The following CFAP70 variants were observed in gnomAD, a reference collection of about 807,000 sequenced individuals.
The protein encoded by CFAP70 is cilia- and flagella-associated protein 70.
Under a neutral mutation model 137.6 loss-of-function variants are expected in CFAP70, and 81 were observed. The observed-to-expected ratio is 0.59, with a 90% CI of 0.49 to 0.71. CFAP70 has a LOEUF of 0.71. Ranked by LOEUF, CFAP70 falls within the 30% of genes least tolerant of loss-of-function variation. The pLI is 0.00. For missense variants in CFAP70, 976 were observed against 1,226.7 expected (o/e 0.80, Z 3.05); for synonymous variants, 382 against 423.6 (o/e 0.90, Z 1.20).
chr10:73,297,755 T>A (rs976652130), intron 14 of CFAP70, among the ~76,000 whole-genome samples: 7 of 152,168 alleles, frequency 4.6e-5, no homozygotes, highest in African/African-American at 1.7e-4. Flanking sequence ...TCTCCTTTTT[T>A]CCCCACTAAG....
chr10:73,347,889 C>T (rs183827343), intron 4 of CFAP70, among the ~76,000 whole-genome samples: 6 of 152,308 alleles, frequency 3.9e-5, no homozygotes, highest in South Asian at 2.1e-4. Flanking sequence ...CCTCTACCTG[C>T]GGACAAAGTA....
At chr10:73,278,994 A>G (rs1447465207) in intron 19 of CFAP70, 1 of 152,218 alleles carries the variant, frequency 6.6e-6, no homozygotes, top group East Asian at 1.9e-4. Context: ...AAAAAAAAAA[A>G]AAAAATAGGA....
chr10:73,323,485 G>T (rs1242753605), intron 8 of CFAP70, among the ~76,000 whole-genome samples: 2 of 152,184 alleles, frequency 1.3e-5, no homozygotes, highest in African/African-American at 4.8e-5. Flanking sequence ...AGGTCAGTGG[G>T]TGCAGCGCAC....
At chr10:73,315,379 T>G (rs2050258279) in intron 9 of CFAP70, among the ~76,000 whole-genome samples, 2 of 152,230 alleles carry the variant, frequency 1.3e-5, no homozygotes, top group Non-Finnish European at 2.9e-5. Flanking sequence ...CACATTTTGT[T>G]TATCTATTCA....
At chr10:73,349,542 CAAA>C (rs537930658) in intron 3 of CFAP70, among the ~76,000 whole-genome samples, 5 of 111,854 alleles carry the variant, frequency 4.5e-5, no homozygotes, top group Non-Finnish European at 3.8e-5. Flanking sequence ...GACTCCGTCT[CAAA>C]AAAAAAAAAA....
intron 24 of CFAP70, among the ~76,000 whole-genome samples, chr10:73,271,322 G>A (rs191891538): frequency 4.6e-5 from 7 of 152,272 alleles, no homozygotes; most frequent in Admixed American, 2.6e-4. Flanking sequence ...GACCAGCCTG[G>A]CCAACATGGC....
chr10:73,321,605 G>A (rs554992512), intron 9 of CFAP70, among the ~76,000 whole-genome samples: 4 of 151,926 alleles, frequency 2.6e-5, no homozygotes, highest in South Asian at 4.2e-4. Flanking sequence ...GTTTTACAAA[G>A]CCTCATTTTC....
chr10:73,278,874 G>A (rs1034492625), intron 19 of CFAP70, among the ~76,000 whole-genome samples: 5 of 151,680 alleles, frequency 3.3e-5, no homozygotes, highest in Admixed American at 2.0e-4. Flanking sequence ...CCAGCTACTC[G>A]GGAGGCTGAG....
At position 73,327,527 on chromosome 10, in the gene CFAP70, A is replaced by G. The variant is rs1485596397; in HGVS notation, c.777+3650T>C. On this transcript the variant is annotated intron_variant, in intron 8 of 26. Transcript: ENST00000310715. ...AGAAGGAAATAAAGGGTATTCAATT[A>G]GGAAAAGAGGAAGTCAAATTGTCCC... Among the ~76,000 whole-genome samples, 6 of 152,082 alleles carry G rather than the reference A, an allele frequency of 3.9e-5. No homozygotes were observed. In the East Asian group the frequency reaches 9.7e-4, roughly 25 times the overall value.
At chr10:73,330,790 T>C (rs1295649696) in intron 8 of CFAP70, among the ~76,000 whole-genome samples, 2 of 152,142 alleles carry the variant, frequency 1.3e-5, no homozygotes, top group East Asian at 3.9e-4. Context: ...CTATACCTTT[T>C]AAAAACAGTA....
At chr10:73,295,806 T>C (rs896078738) in intron 15 of CFAP70, 3 of 152,214 alleles carry the variant, frequency 2.0e-5, no homozygotes, top group African/African-American at 7.2e-5. Context: ...TTCTCTCTTA[T>C]GTTTTTCTCA....
At chr10:73,328,735 A>G (rs1449621474) in intron 8 of CFAP70, among the ~76,000 whole-genome samples, 1 of 149,640 alleles carries the variant, frequency 6.7e-6, no homozygotes, top group East Asian at 2.0e-4. Flanking sequence ...AAACACATGA[A>G]AAAATGCTCA....
At chr10:73,256,607 T>TAAA (rs1421927912) in intron 25 of CFAP70, among the ~76,000 whole-genome samples, 191 bp from the exon 27 acceptor site, 5 of 151,424 alleles carry the variant, frequency 3.3e-5, no homozygotes, top group South Asian at 2.1e-4. Context: ...GTTTTTTTTT[T>TAAA]AAAAAATTCC....
At chr10:73,323,226 T>A (rs1333115136) in intron 8 of CFAP70, 129 bp from the exon 10 acceptor site, 1 of 780,908 alleles carries the variant, frequency 1.3e-6, no homozygotes, top group Non-Finnish European at 1.8e-6. Flanking sequence ...TATGTGACTT[T>A]GGGCCAGTTA....
Position 73,269,808 on chromosome 10 carries a change from A to G in CFAP70, c.2926-93T>C, listed in dbSNP as rs1027582647. 4.5e-6 allele frequency: 3 copies of G among 673,132 alleles called. No homozygotes were observed. The African/African-American group carries it at 5.3e-5, about 12-fold the overall frequency. 41.7% of individuals were successfully genotyped at this position (673,132 alleles called of 1,614,324 possible). A position where few individuals can be genotyped will look rare whatever the true frequency, so the allele number is the denominator to read the frequency against. ...ATATGACCTATACCAATGGTTTTCAACTTTTTAATATTTTTAGCATCAGAA... is the reference window on the plus strand; with the variant it reads ...ATATGACCTATACCAATGGTTTTCAGCTTTTTAATATTTTTAGCATCAGAA... On this transcript the variant is annotated intron_variant, in intron 24 of 26. Coordinates refer to ENST00000310715, the Ensembl canonical transcript of CFAP70.
chr10:73,275,550 G>A lies in CFAP70; in HGVS notation c.2569C>T (p.Pro857Ser), dbSNP rs375153335. Residue 857 changes from proline to serine, a missense_variant, in exon 22 of 27, where the codon CCC (proline) becomes TCC (serine). Physicochemically the swap from Pro to Ser is moderately conservative, Grantham distance 74. Transcript: ENST00000310715. The surrounding 1 kb of genome is among the most constrained non-coding windows in gnomAD (Gnocchi z 4.0). ...AGCACCAAGTAATATTCACAGCTGG[G>A]GCCTCCTTGAGGGCATAACAGCTCA... 12 of 1,610,754 alleles carry A rather than the reference G, an allele frequency of 7.4e-6. No individual in the cohort carries two copies. The African/African-American group carries it at 1.5e-4, about 20-fold the overall frequency.
At chr10:73,266,971 T>C (rs555084576) in intron 25 of CFAP70, among the ~76,000 whole-genome samples, 50 of 152,316 alleles carry the variant, frequency 3.3e-4, no homozygotes, top group African/African-American at 1.2e-3. Context: ...AATTAATTCA[T>C]TGATTTTCAA....
chr10:73,357,097 G>A (rs1423440748), intron 1 of CFAP70, among the ~76,000 whole-genome samples: 1 of 152,162 alleles, frequency 6.6e-6, no homozygotes, highest in Non-Finnish European at 1.5e-5. Context: ...AGGAAAAGGG[G>A]GGTGGAAATT....
intron 19 of CFAP70, among the ~76,000 whole-genome samples, chr10:73,281,299 G>A (rs79409786): frequency 2.0e-5 from 3 of 150,864 alleles, no homozygotes; most frequent in Admixed American, 6.6e-5. Context: ...ATCCTCCCAC[G>A]TGAGCCTCCC....
Sources: gnomAD v4.1 joint callset for allele counts (sites outside exome capture counted in the v4.1 genomes callset) on GRCh38, gnomAD v4.1.1 for gene constraint, Gnocchi (gnomAD v3.1) non-coding constraint, MANE v1.5 for transcripts, NCBI Gene and HGNC (gene_info 2026-07-23, HGNC 2026-07-21) for gene names.